The following IFI44 variants were observed in gnomAD, a reference collection of about 807,000 sequenced individuals.
IFI44 encodes interferon induced protein 44, also known as interferon-induced protein 44.
Under a neutral mutation model 45.0 loss-of-function variants are expected in IFI44, and 42 were observed. The observed-to-expected ratio is 0.93, with a 90% confidence interval of 0.73 to 1.21. The LOEUF (loss-of-function observed/expected upper bound fraction) is 1.21, where lower values mean the gene tolerates loss of function less well. Among genes scored for constraint, IFI44 ranks in the 50% most tolerant of loss-of-function variants. The pLI, the probability that IFI44 is intolerant of heterozygous loss-of-function variation, is 0.00. For synonymous variants in IFI44, 221 were observed against 188.6 expected, an observed-to-expected ratio of 1.17 and a Z score of -1.41; for missense variants, 623 against 525.8, an observed-to-expected ratio of 1.18 and a Z score of -1.81.
chr1:78,656,510 T>A (rs1647214771), intron 5 of IFI44, among the ~76,000 whole-genome samples: 1 of 152,142 alleles, frequency 6.6e-6, no homozygotes. Flanking sequence ...CATGACAGCA[T>A]TTTAATTATT....
rs372265791 is a variant in IFI44, at chr1:78,663,855, TA to T, written c.*48del. 3,510 of 1,582,292 alleles carry T rather than the reference TA, an allele frequency of 2.2e-3. 22 individuals are homozygous for T. Among genetic ancestry groups the T allele is most frequent in the South Asian group, 0.013 (1,151 of 88,122 alleles). Reference sequence around the variant, plus strand: ...TAAATTTCCTCACATCACAGAAGATTAAAATTCAGAAAGGAGAAAACACAGA... The same window carrying T: ...TAAATTTCCTCACATCACAGAAGATTAAATTCAGAAAGGAGAAAACACAGA... On this transcript the variant is annotated 3_prime_UTR_variant, in exon 9 of 9. Coordinates refer to ENST00000370747, the MANE Select transcript of IFI44 (RefSeq NM_006417.5).
chr1:78,652,337 T>C (rs72935631), intron 2 of IFI44, among the ~76,000 whole-genome samples: 15,313 of 152,202 alleles, frequency 0.1, 847 homozygotes, highest in Middle Eastern at 0.15. Context: ...TGCCTTGGCC[T>C]CCCTAAGTGC....
chr1:78,655,308 T>C (rs1647188476), intron 4 of IFI44, 54 bp from the exon 5 acceptor site: 1 of 1,559,468 alleles, frequency 6.4e-7, no homozygotes, highest in Non-Finnish European at 8.7e-7. Flanking sequence ...ATAGACTTCA[T>C]CTCAATTTAT....
chr1:78,650,864 T>C (rs1390980757), intron 2 of IFI44, among the ~76,000 whole-genome samples: 1 of 152,230 alleles, frequency 6.6e-6, no homozygotes, highest in Non-Finnish European at 1.5e-5. Flanking sequence ...AGATTTATCC[T>C]CTTAGCACAT....
At position 78,659,375 on chromosome 1, in the gene IFI44, G is replaced by A. The variant is rs1557704579; in HGVS notation, c.904G>A (p.Asp302Asn). ...CTACATTGATTCCCCATCGCTGAAGGACAGAATTCATTGTGTGGCATTTGT... is the reference window on the plus strand; with the variant it reads ...CTACATTGATTCCCCATCGCTGAAGAACAGAATTCATTGTGTGGCATTTGT... ...HDYIDSPSLKDRIHCVAFVFD... is the reference protein window; with the variant it reads ...HDYIDSPSLKNRIHCVAFVFD... The change falls in exon 6 of 9, where the codon GAC (aspartate) becomes AAC (asparagine). Residue 302 changes from aspartate to asparagine, a missense_variant. Asp to Asn is a conservative substitution (Grantham distance 23). Coordinates refer to ENST00000370747, the MANE Select transcript of IFI44 (RefSeq NM_006417.5). 1 of 1,613,316 alleles carries A rather than the reference G, an allele frequency of 6.2e-7. No homozygotes were observed. Among genetic ancestry groups the A allele is most frequent in the South Asian group, 1.1e-5 (1 of 91,044 alleles).
rs57501000 is a variant in IFI44, at chr1:78,655,343, G to T, written c.691-19G>T. 5.9e-4 allele frequency: 928 copies of T among 1,575,334 alleles called. 3 individuals are homozygous for T. The African/African-American group carries it at 7.2e-3, about 12-fold the overall frequency. ...TAATAAAAAATGAATCTTTAAAATT[G>T]CTTTTCTCCCCTCTACAGTATAGGA... On this transcript the variant is annotated intron_variant, in intron 4 of 8. Coordinates refer to ENST00000370747, the MANE Select transcript of IFI44 (RefSeq NM_006417.5).
In IFI44 at chr1:78,654,987, T is replaced by C. The variant is rs373545325; in HGVS notation, c.495-27T>C. 64 of 1,489,396 alleles carry C rather than the reference T, an allele frequency of 4.3e-5. 1 individual carries two copies. The South Asian group carries it at 7.0e-4, about 16-fold the overall frequency. 92.3% of individuals were successfully genotyped at this position (1,489,396 alleles called of 1,614,324 possible). On this transcript the variant is annotated intron_variant, in intron 3 of 8. Coordinates refer to ENST00000370747, the MANE Select transcript of IFI44 (RefSeq NM_006417.5). ...GGTTTTGCGACCTAACCTCAGTCAA[T>C]TGTTAAAAACGGTCATGTCTAAACA...
In IFI44 at chr1:78,650,644, G is replaced by C. The variant is rs754906118; in HGVS notation, c.449G>C (p.Arg150Pro). The change falls in exon 2 of 9, where the codon CGA becomes CCA. Residue 150 changes from arginine to proline, a missense_variant. Physicochemically the swap from Arg to Pro is moderately radical, Grantham distance 103. Coordinates refer to ENST00000370747, the MANE Select transcript of IFI44 (RefSeq NM_006417.5). The part of the protein sequence containing the change: ...TISIQDYEVF[R>P]CEDSLDERKI... The stretch of plus-strand genomic sequence containing the variant: ...TCTATTCAGGATTATGAAGTTTTTC[G>C]ATGCGAAGGTAGGTTTAATTAGATA... 2.8e-5 allele frequency: 44 copies of C among 1,577,034 alleles called. No individual in the cohort carries two copies. The highest frequency in any genetic ancestry group is 3.5e-5 in the Non-Finnish European group (41 of 1,163,108).
At chr1:78,653,908 TA>T (rs1475683692) in intron 2 of IFI44, among the ~76,000 whole-genome samples, 1 of 152,242 alleles carries the variant, frequency 6.6e-6, no homozygotes, top group Non-Finnish European at 1.5e-5. Context: ...CCCACATCTC[TA>T]GGCCTTGCTT....
Position 78,663,928 on chromosome 1 carries a change from T to C in IFI44, c.*117T>C. On this transcript the variant is annotated 3_prime_UTR_variant, in exon 9 of 9. Coordinates refer to ENST00000370747, the MANE Select transcript of IFI44 (RefSeq NM_006417.5). Reference sequence around the variant, plus strand: ...CAAAGGGATGTGTTTTATTAATGTCTAGGATGAAGAAATGCATAGAACATT... The same window carrying C: ...CAAAGGGATGTGTTTTATTAATGTCCAGGATGAAGAAATGCATAGAACATT... 1 of 852,172 alleles carries C rather than the reference T, an allele frequency of 1.2e-6. No homozygotes were observed. The highest frequency in any genetic ancestry group is 1.8e-6 in the Non-Finnish European group (1 of 565,794). The allele number at this position is 852,172 out of a possible 1,614,324, so 52.8% of individuals were successfully genotyped here.
Position 78,664,064 on chromosome 1 carries a change from A to G in IFI44, c.*253A>G. 3.2e-6 allele frequency: 1 copy of G among 308,586 alleles called. No individual in the cohort carries two copies. 19.1% of individuals were successfully genotyped at this position (308,586 alleles called of 1,614,324 possible). ...ATCTGTGAAAAAATAAATTTCTTATAAAACTCGGGTCTAACTTGAGAGTGT... is the reference window on the plus strand; with the variant it reads ...ATCTGTGAAAAAATAAATTTCTTATGAAACTCGGGTCTAACTTGAGAGTGT... On this transcript the variant is annotated 3_prime_UTR_variant, in exon 9 of 9. Coordinates refer to ENST00000370747, the MANE Select transcript of IFI44 (RefSeq NM_006417.5).
chr1:78,661,995 T>A (rs1045215367), intron 7 of IFI44, among the ~76,000 whole-genome samples: 28 of 152,166 alleles, frequency 1.8e-4, no homozygotes, highest in Admixed American at 5.2e-4. Context: ...AGGAGCATTA[T>A]GAGGAATCAC....
In IFI44 at chr1:78,659,489, T is replaced by C. The variant is rs760720329; in HGVS notation, c.1012+6T>C. The C allele has an allele frequency of 1.2e-6, 2 of 1,607,996 alleles. No homozygotes were observed. On this transcript the variant is annotated splice_donor_region_variant and intron_variant, in intron 6 of 8. Coordinates refer to ENST00000370747, the MANE Select transcript of IFI44 (RefSeq NM_006417.5). ...AAGGGAGTTGGTAAACGCTGGTGAG[T>C]CTCATTCCACTTTGCTAAGGGTAAT...
Position 78,663,133 on chromosome 1 carries a change from T to G in IFI44, c.1288+255T>G, listed in dbSNP as rs187110665. 599 of 985,312 alleles carry G rather than the reference T, an allele frequency of 6.1e-4. 1 individual carries two copies. The highest frequency in any genetic ancestry group is 6.9e-4 in the Non-Finnish European group (573 of 829,850). 61.0% of individuals were successfully genotyped at this position (985,312 alleles called of 1,614,324 possible). On this transcript the variant is annotated intron_variant, in intron 8 of 8. Coordinates refer to ENST00000370747, the MANE Select transcript of IFI44 (RefSeq NM_006417.5). ...GATGAAAGTTTTAAAATAATCCACC[T>G]CTGTCATTTCCACTCTCTGAACATC...
rs776719447 is a variant in IFI44 at position 78,660,572 on chromosome 1, T to G, written c.1031T>G (p.Leu344Trp). The G allele has an allele frequency of 1.9e-6, 3 of 1,613,312 alleles. No individual in the cohort carries two copies. The highest frequency in any genetic ancestry group is 3.3e-5 in the Admixed American group (2 of 59,968). ...GGCATAGGTGTGGTACATGTGGCTT[T>G]GCTCACTCATGTGGATAGCATGGAT... ...LVNAGVVHVA[L>W]LTHVDSMDLI... Residue 344 changes from leucine (L) to tryptophan (W), a missense_variant, in exon 7 of 9, where the codon TTG becomes TGG. By Grantham distance (61) the Leu-to-Trp change is moderately conservative (BLOSUM62 -2). Coordinates refer to ENST00000370747, the MANE Select transcript of IFI44 (RefSeq NM_006417.5).
intron 6 of IFI44, 79 bp downstream of exon 6, chr1:78,659,562 C>A: frequency 8.6e-7 from 1 of 1,156,772 alleles, no homozygotes; most frequent in African/African-American, 1.5e-5. Context: ...GCTTTTTGGA[C>A]AGGATAAAGA....
At position 78,663,801 on chromosome 1, in the gene IFI44, GA is replaced by G. The variant is rs1309076306; in HGVS notation, c.1332del (p.Lys444AsnfsTer17). ...LREEIINCAQ[G>X]KK ...GAGGAAATTATCAACTGTGCACAAG[GA>G]AAAAAATAGATATGTGAAAGGTTCA... On this transcript the variant is annotated frameshift_variant, in exon 9 of 9. Transcript: ENST00000370747. LOFTEE classifies it high-confidence loss of function. 10 of 1,609,860 alleles carry G rather than the reference GA, an allele frequency of 6.2e-6. No homozygotes were observed. Among genetic ancestry groups the G allele is most frequent in the Middle Eastern group, 1.6e-4 (1 of 6,062 alleles).
chr1:78,651,814 C>T (rs904795395), intron 2 of IFI44, among the ~76,000 whole-genome samples: 1 of 152,068 alleles, frequency 6.6e-6, no homozygotes, highest in African/African-American at 2.4e-5. Flanking sequence ...TTGTGTCTGG[C>T]TTATTTCACT....
At chr1:78,653,426 T>G (rs912673243) in intron 2 of IFI44, among the ~76,000 whole-genome samples, 18 of 152,348 alleles carry the variant, frequency 1.2e-4, no homozygotes, top group Non-Finnish European at 2.4e-4. Flanking sequence ...AGATATTGAG[T>G]GAAGTTTTCA....
Sources: gnomAD v4.1 joint callset for allele counts (sites outside exome capture counted in the v4.1 genomes callset) on GRCh38, gnomAD v4.1.1 for gene constraint, MANE v1.5 for transcripts, NCBI Gene and HGNC (gene_info 2026-07-23, HGNC 2026-07-21) for gene names.